The following RIMS2 variants were observed in gnomAD, a reference collection of about 807,000 sequenced individuals.
The protein encoded by RIMS2 is regulating synaptic membrane exocytosis protein 2.
RIMS2 carries 59 observed loss-of-function variants against 174.4 expected under a neutral mutation model. The observed-to-expected ratio is 0.34, with a 90% confidence interval of 0.27 to 0.42. The LOEUF is 0.42. Ranked by LOEUF, RIMS2 falls within the 10% of genes least tolerant of loss-of-function variation. RIMS2 has a pLI of 1.00. For missense variants in RIMS2, 1,620 were observed against 1,666.3 expected (o/e 0.97, Z 0.48); for synonymous variants, 606 against 572.5 (o/e 1.06, Z -0.84).
At chr8:103,891,191 A>G (rs999152371) in intron 4 of RIMS2, among the ~76,000 whole-genome samples, 5 of 152,120 alleles carry the variant, frequency 3.3e-5, no homozygotes, top group Non-Finnish European at 7.4e-5. Flanking sequence ...AGAATAGAGT[A>G]GAAAACATCA....
At chr8:103,975,320 C>T in intron 15 of RIMS2, 30 bp from the exon 18 acceptor site, 1 of 1,545,328 alleles carries the variant, frequency 6.5e-7, no homozygotes, top group Non-Finnish European at 8.9e-7. Flanking sequence ...ACATACATAA[C>T]TATAATATTT....
At chr8:103,500,708 G>C (rs1819249259), upstream of RIMS2, 1 of 524,104 alleles carries the variant, frequency 1.9e-6, no homozygotes, top group Admixed American at 3.6e-5. Context: ...TTCCCCACGC[G>C]CTCGCCCTCC....
chr8:103,578,000 C>G (rs1326708394), intron 1 of RIMS2, among the ~76,000 whole-genome samples: 1 of 152,054 alleles, frequency 6.6e-6, no homozygotes. Flanking sequence ...AAGAGCAAAT[C>G]TAAGATTTAT....
chr8:104,013,317 G>C, intron 17 of RIMS2, 125 bp from the exon 20 acceptor site: 1 of 796,132 alleles, frequency 1.3e-6, no homozygotes, highest in Non-Finnish European at 1.9e-6. Context: ...TTGGGGAAAA[G>C]AAAAATTTTT....
chr8:103,982,438 TA>T (rs57698633), intron 16 of RIMS2, among the ~76,000 whole-genome samples: 22,582 of 86,256 alleles, frequency 0.26, 1,858 homozygotes, highest in Non-Finnish European at 0.3. Flanking sequence ...CAAAGACACA[TA>T]AAAAAAAAAA....
At chr8:104,059,355 A>G (rs1212816773) in intron 19 of RIMS2, among the ~76,000 whole-genome samples, 11 of 150,194 alleles carry the variant, frequency 7.3e-5, no homozygotes, top group African/African-American at 2.7e-4. Flanking sequence ...TTCACTCATG[A>G]TTTGGCTCTC....
chr8:103,869,780 T>G (rs2154512649), intron 3 of RIMS2, among the ~76,000 whole-genome samples: 1 of 152,282 alleles, frequency 6.6e-6, no homozygotes, highest in East Asian at 1.9e-4. Flanking sequence ...AAATGGGGTC[T>G]TTGTTGAGTT....
intron 1 of RIMS2, among the ~76,000 whole-genome samples, chr8:103,596,543 ATCC>A (rs2094484429): frequency 2.0e-5 from 3 of 152,044 alleles, no homozygotes; most frequent in South Asian, 2.1e-4. Context: ...AACATTCAAT[ATCC>A]TCCTTCTAGC....
At chr8:104,103,197 A>G (rs900304458) in intron 19 of RIMS2, among the ~76,000 whole-genome samples, 1 of 152,088 alleles carries the variant, frequency 6.6e-6, no homozygotes, top group Non-Finnish European at 1.5e-5. Context: ...CCTTAAAAAA[A>G]AAGTAGATTA....
intron 1 of RIMS2, among the ~76,000 whole-genome samples, chr8:103,626,274 G>GTTACAAAGCTGTCAA (rs2095783623): frequency 6.6e-6 from 1 of 152,096 alleles, no homozygotes; most frequent in African/African-American, 2.4e-5. Flanking sequence ...ATAAAGCATG[G>GTTACAAAGCTGTCAA]TTACAAAGCT....
intron 19 of RIMS2, among the ~76,000 whole-genome samples, chr8:104,072,378 G>A (rs562448578): frequency 6.6e-6 from 1 of 151,796 alleles, no homozygotes; most frequent in Non-Finnish European, 1.5e-5. Context: ...CTCCTACTGA[G>A]CTATGTGTTT....
intron 1 of RIMS2, among the ~76,000 whole-genome samples, chr8:103,521,241 A>T (rs1011906515): frequency 2.6e-5 from 4 of 151,940 alleles, no homozygotes; most frequent in Non-Finnish European, 5.9e-5. Flanking sequence ...CATATGTAAC[A>T]AACCTGCACA....
intron 1 of RIMS2, among the ~76,000 whole-genome samples, chr8:103,677,066 T>G (rs2096824138): frequency 6.6e-6 from 1 of 152,178 alleles, no homozygotes; most frequent in Non-Finnish European, 1.5e-5. Flanking sequence ...TTTAGTCAGA[T>G]TTTGCCATTT....
chr8:104,163,109 G>A (rs1012616021), intron 19 of RIMS2, among the ~76,000 whole-genome samples: 1 of 152,112 alleles, frequency 6.6e-6, no homozygotes, highest in Non-Finnish European at 1.5e-5. Flanking sequence ...TTGGCTCATT[G>A]TCCCCTTGGG....
intron 19 of RIMS2, among the ~76,000 whole-genome samples, chr8:104,052,583 A>G (rs1417966129): frequency 6.6e-6 from 1 of 152,240 alleles, no homozygotes; most frequent in Non-Finnish European, 1.5e-5. Flanking sequence ...GTGTCCAAGA[A>G]TAGGCAAGAC....
At chr8:103,942,968 C>G in intron 14 of RIMS2, 42 bp downstream of exon 16, 3 of 1,496,948 alleles carry the variant, frequency 2.0e-6, no homozygotes, top group Non-Finnish European at 2.8e-6. Context: ...ATTGTATTTT[C>G]CTAATCTTGA....
chr8:103,812,342 T>TTTTTTTTTTTTTTTTTG (rs2098693509), intron 3 of RIMS2, among the ~76,000 whole-genome samples: 1 of 113,290 alleles, frequency 8.8e-6, no homozygotes, highest in African/African-American at 3.1e-5. Flanking sequence ...TTTTTTTTTT[T>TTTTTTTTTTTTTTTTTG]TTTTTTTTTT....
chr8:103,613,572 A>T (rs1462514441), intron 1 of RIMS2, among the ~76,000 whole-genome samples: 1 of 152,138 alleles, frequency 6.6e-6, no homozygotes, highest in Non-Finnish European at 1.5e-5. Flanking sequence ...GGTACCTAAG[A>T]TGCAAGACAT....
intron 15 of RIMS2, among the ~76,000 whole-genome samples, chr8:103,970,490 C>G (rs1276112987): frequency 6.6e-6 from 1 of 152,190 alleles, no homozygotes; most frequent in African/African-American, 2.4e-5. Context: ...TCAATATTTA[C>G]TGTGGGAACC....
Sources: allele counts gnomAD v4.1 joint callset (sites outside exome capture counted in the v4.1 genomes callset), GRCh38; gene constraint gnomAD v4.1.1; transcripts MANE v1.5; gene names NCBI Gene and HGNC (gene_info 2026-07-23, HGNC 2026-07-21).